The following KIF6 variants were observed in gnomAD, a reference collection of about 807,000 sequenced individuals.
KIF6 encodes kinesin family member 6, also known as kinesin-like protein KIF6.
KIF6 carries 106 observed loss-of-function variants against 112.7 expected under a neutral mutation model. The ratio of observed to expected loss-of-function variants is 0.94; its 90% CI spans 0.80 to 1.11. The LOEUF is 1.11. KIF6 is among the 50% of genes least tolerant of loss of function. The pLI, the probability that KIF6 is intolerant of heterozygous loss-of-function variation, is 0.00. For synonymous variants in KIF6, 339 were observed against 339.9 expected (o/e 1.00, Z 0.03); for missense variants, 929 against 964.0 (o/e 0.96, Z 0.48).
intron 3 of KIF6, among the ~76,000 whole-genome samples, chr6:39,640,707 T>C (rs1190619956): frequency 2.6e-5 from 4 of 152,106 alleles, no homozygotes; most frequent in East Asian, 1.9e-4. Flanking sequence ...TGCCTGTGTG[T>C]TGAGTGATCT....
intron 6 of KIF6, among the ~76,000 whole-genome samples, chr6:39,608,708 C>T (rs1783030472): frequency 1.3e-5 from 2 of 152,206 alleles, no homozygotes; most frequent in Non-Finnish European, 2.9e-5. Context: ...AAGTATCACA[C>T]ACACACACAA....
At chr6:39,497,018 C>T (rs1775826355) in intron 13 of KIF6, among the ~76,000 whole-genome samples, 1 of 152,240 alleles carries the variant, frequency 6.6e-6, no homozygotes, top group African/African-American at 2.4e-5. Flanking sequence ...GGTGCCTTGC[C>T]CGCCTTTGCA....
intron 10 of KIF6, among the ~76,000 whole-genome samples, chr6:39,564,959 T>C (rs1428692791): frequency 3.9e-5 from 6 of 152,234 alleles, no homozygotes. Context: ...CTGGGGTTCC[T>C]TAACAAAATG....
In KIF6 at chr6:39,639,647, G is replaced by C; in HGVS notation, c.362C>G (p.Pro121Arg). Residue 121 changes from proline to arginine, a missense_variant, in exon 4 of 23, where the codon CCA becomes CGA. By Grantham distance (103) the Pro-to-Arg change is moderately radical. Transcript: ENST00000287152. The stretch of plus-strand genomic sequence containing the variant: ...TTCAAAAATGTATGACAGTGTCCTT[G>C]GGATAATGCCTCTGTCACTGTAACG... ...AERYSDRGII[P>R]RTLSYIFEQL... is the part of the protein sequence containing the mutation. The C allele has an allele frequency of 6.2e-7, 1 of 1,605,210 alleles. No individual in the cohort carries two copies. Among genetic ancestry groups the C allele is most frequent in the Non-Finnish European group, 8.5e-7 (1 of 1,176,620 alleles).
chr6:39,468,402 A>C (rs562928578), intron 13 of KIF6, among the ~76,000 whole-genome samples: 2 of 152,220 alleles, frequency 1.3e-5, no homozygotes, highest in Non-Finnish European at 2.9e-5. Context: ...GGATCAATAC[A>C]AAGAGATCCA....
intron 10 of KIF6, among the ~76,000 whole-genome samples, chr6:39,559,710 C>T (rs926694527): frequency 6.6e-6 from 1 of 151,952 alleles, no homozygotes; most frequent in Non-Finnish European, 1.5e-5. Flanking sequence ...TATTGACTGC[C>T]TATTGTCAAC....
intron 3 of KIF6, among the ~76,000 whole-genome samples, chr6:39,701,147 G>A (rs1788855123): frequency 6.6e-6 from 1 of 152,184 alleles, no homozygotes. Flanking sequence ...CTTTAATTTT[G>A]TAATAATTTA....
intron 3 of KIF6, among the ~76,000 whole-genome samples, chr6:39,706,674 T>A (rs1167601082): frequency 6.6e-6 from 1 of 152,220 alleles, no homozygotes; most frequent in East Asian, 1.9e-4. Flanking sequence ...TACATGTTTA[T>A]AAACAACGCA....
At chr6:39,608,771 C>T (rs577534753) in intron 6 of KIF6, among the ~76,000 whole-genome samples, 4 of 152,160 alleles carry the variant, frequency 2.6e-5, no homozygotes, top group Non-Finnish European at 5.9e-5. Context: ...GCACAGTGTA[C>T]CATAAAATCA....
chr6:39,610,884 C>A (rs1486939919), intron 6 of KIF6, among the ~76,000 whole-genome samples: 1 of 152,100 alleles, frequency 6.6e-6, no homozygotes, highest in Non-Finnish European at 1.5e-5. Flanking sequence ...TTAAATAAAA[C>A]AGGCTTTACA....
chr6:39,445,862 G>A (rs1022840398), intron 13 of KIF6, among the ~76,000 whole-genome samples: 2 of 152,216 alleles, frequency 1.3e-5, no homozygotes, highest in African/African-American at 4.8e-5. Flanking sequence ...GGACCTTGGG[G>A]ATTTCCTTTG....
At chr6:39,490,454 C>T (rs906079330) in intron 13 of KIF6, among the ~76,000 whole-genome samples, 2 of 152,180 alleles carry the variant, frequency 1.3e-5, no homozygotes, top group Non-Finnish European at 2.9e-5. Context: ...GTGAGTGAGT[C>T]TAATGTCTGT....
In KIF6 at chr6:39,500,559, CTAA is replaced by C. The variant is rs561609794; in HGVS notation, c.1645+39441_1645+39443del. On this transcript the variant is annotated intron_variant, in intron 13 of 22. Coordinates refer to ENST00000287152, the MANE Select transcript of KIF6 (RefSeq NM_145027.6). ...GGCACCCTGGGGGTTTTGCTACTTA[CTAA>C]TGTTACAATCTGAGGCAAGTTGCTT... Among the ~76,000 whole-genome samples, 51 of 152,310 alleles carry C rather than the reference CTAA, an allele frequency of 3.3e-4. 2 individuals carry two copies. The East Asian group carries it at 9.6e-3, about 29-fold the overall frequency.
chr6:39,385,705 G>T lies in KIF6; in HGVS notation c.1811-33C>A, dbSNP rs555214497. The T allele has an allele frequency of 1.2e-4, 181 of 1,481,652 alleles. No homozygotes were observed. The South Asian group carries it at 1.9e-3, about 15-fold the overall frequency. The allele number at this position is 1,481,652 out of a possible 1,614,324, so 91.8% of individuals were successfully genotyped here. On this transcript the variant is annotated intron_variant, in intron 15 of 22. Coordinates refer to ENST00000287152, the MANE Select transcript of KIF6 (RefSeq NM_145027.6). Reference sequence around the variant, plus strand: ...AGACACAAAAGAAAACTACCAGTGGGTTTCCAATGGGCTGGAGGAAGACTG... The same window carrying T: ...AGACACAAAAGAAAACTACCAGTGGTTTTCCAATGGGCTGGAGGAAGACTG...
At chr6:39,418,004 C>CT (rs397694840) in intron 15 of KIF6, among the ~76,000 whole-genome samples, 1 of 151,592 alleles carries the variant, frequency 6.6e-6, no homozygotes, top group East Asian at 1.9e-4. Context: ...TCCTCTTTCC[C>CT]TCCTTCTCCC....
intron 10 of KIF6, among the ~76,000 whole-genome samples, chr6:39,574,370 A>C (rs1203782186): frequency 2.6e-5 from 4 of 152,220 alleles, no homozygotes. Context: ...CTAGGGTGCT[A>C]TCCTTTCGGT....
intron 5 of KIF6, among the ~76,000 whole-genome samples, chr6:39,625,482 A>G (rs1192830437): frequency 6.6e-6 from 1 of 152,102 alleles, no homozygotes; most frequent in East Asian, 1.9e-4. Flanking sequence ...ATCACTGGTC[A>G]CTGGTTACTC....
At chr6:39,549,238 A>C (rs1320277494) in intron 10 of KIF6, among the ~76,000 whole-genome samples, 2 of 151,806 alleles carry the variant, frequency 1.3e-5, no homozygotes, top group African/African-American at 4.8e-5. Context: ...AAAAAAAAAA[A>C]GCTCTCTCTG....
chr6:39,505,203 A>G (rs1449439247), intron 13 of KIF6, among the ~76,000 whole-genome samples: 2 of 152,202 alleles, frequency 1.3e-5, no homozygotes, highest in Non-Finnish European at 2.9e-5. Flanking sequence ...CTGCATACCT[A>G]TAACCATCTG....
Sources: allele counts gnomAD v4.1 joint callset (sites outside exome capture counted in the v4.1 genomes callset), GRCh38; gene constraint gnomAD v4.1.1; transcripts MANE v1.5; gene names NCBI Gene and HGNC (gene_info 2026-07-23, HGNC 2026-07-21).